The following NSUN6 variants were observed in gnomAD, a reference collection of about 807,000 sequenced individuals.
NSUN6 encodes the protein tRNA (cytosine(72)-C(5))-methyltransferase NSUN6.
Under a neutral mutation model 58.0 loss-of-function variants are expected in NSUN6, and 64 were observed. The ratio of observed to expected loss-of-function variants is 1.10; its 90% CI spans 0.90 to 1.36. NSUN6 has a LOEUF of 1.36. Ranked by LOEUF, NSUN6 falls within the 40% of genes most tolerant of loss-of-function variation. NSUN6 has a pLI of 0.00. For missense variants in NSUN6, 701 were observed against 550.1 expected (o/e 1.27, Z -2.74); for synonymous variants, 231 against 193.9 (o/e 1.19, Z -1.59).
chr10:18,626,721 C>G (rs1452256020), intron 3 of NSUN6, among the ~76,000 whole-genome samples: 3 of 152,102 alleles, frequency 2.0e-5, no homozygotes, highest in Non-Finnish European at 4.4e-5. Flanking sequence ...GAGCCGAGAT[C>G]GTGCCATTGC....
rs1386039602 is a variant in NSUN6, at chr10:18,601,906, G to C, written c.658-5579C>G. ...GGAGAACTGCTTCAACCCGGAGGCA[G>C]AGATTGCAGTAAACTGAGATTGCAC... is the stretch of plus-strand genomic sequence containing the variant. On this transcript the variant is annotated intron_variant, in intron 6 of 10. Transcript: ENST00000377304. Among the ~76,000 whole-genome samples the C allele has an allele frequency of 2.0e-5, 3 of 151,246 alleles. No individual in the cohort carries two copies. The East Asian group carries it at 6.1e-4, about 31-fold the overall frequency.
intron 3 of NSUN6, among the ~76,000 whole-genome samples, chr10:18,635,197 G>T (rs1017851497): frequency 5.3e-5 from 8 of 152,164 alleles, no homozygotes; most frequent in African/African-American, 1.9e-4. Flanking sequence ...AGGTGCTGGA[G>T]GAATTAAGCA....
chr10:18,576,512 C>T (rs2056655215), intron 8 of NSUN6, among the ~76,000 whole-genome samples: 1 of 152,134 alleles, frequency 6.6e-6, no homozygotes, highest in South Asian at 2.1e-4. Context: ...TTTCCTAAAA[C>T]TAAACTAAAA....
rs1431376953 is a variant in NSUN6 at position 18,648,585 on chromosome 10, G to A, written c.136C>T (p.Leu46=). The change falls in exon 2 of 11, where the codon CTG becomes TTG. Residue 46 remains leucine, a synonymous_variant. Transcript: ENST00000377304. Reference sequence around the variant, plus strand: ...GTTGTAAATGATGGAGGATGTGACAGGTGCTTTAACAAAGTTTCAAACTTC... The same window carrying A: ...GTTGTAAATGATGGAGGATGTGACAAGTGCTTTAACAAAGTTTCAAACTTC... ...ERKFETLLKH[L]SHPPSFTTVR... 1 of 1,605,250 alleles carries A rather than the reference G, an allele frequency of 6.2e-7. No homozygotes were observed.
intron 3 of NSUN6, among the ~76,000 whole-genome samples, chr10:18,620,110 C>T (rs747952796): frequency 1.5e-5 from 2 of 129,686 alleles, no homozygotes; most frequent in African/African-American, 2.8e-5. Flanking sequence ...TTTTTTGAGA[C>T]GGAGTCTAGC....
intron 8 of NSUN6, 93 bp from the exon 9 acceptor site, chr10:18,552,064 A>G (rs1589818547): frequency 2.6e-6 from 2 of 755,388 alleles, no homozygotes; most frequent in Non-Finnish European, 4.2e-6. Context: ...ATCATAATCT[A>G]GAATAAAAAA....
intron 7 of NSUN6, among the ~76,000 whole-genome samples, chr10:18,593,427 A>C (rs2057453997): frequency 6.6e-6 from 1 of 152,210 alleles, no homozygotes; most frequent in Admixed American, 6.5e-5. Flanking sequence ...CTGCAGCACT[A>C]TTTACAATAG....
intron 6 of NSUN6, among the ~76,000 whole-genome samples, chr10:18,597,075 A>G (rs760197852): frequency 5.3e-5 from 8 of 152,172 alleles, no homozygotes; most frequent in Non-Finnish European, 8.8e-5. Flanking sequence ...AACGACAACA[A>G]CAAAAAACCT....
intron 3 of NSUN6, among the ~76,000 whole-genome samples, chr10:18,633,187 A>G (rs2059097712): frequency 6.7e-6 from 1 of 150,370 alleles, no homozygotes; most frequent in African/African-American, 2.4e-5. Context: ...ATTCTCACTC[A>G]TAGGTGGGAA....
rs1191394934 is a variant in NSUN6, at chr10:18,608,224, C to A, written c.657+1621G>T. 2.0e-5 allele frequency among the ~76,000 whole-genome samples: 3 copies of A among 152,198 alleles called. No homozygotes were observed. In the South Asian group the frequency reaches 6.2e-4, roughly 32 times the overall value. ...ACAGTATGAATCACAAAATGACTCACAATATTTCATAAAGTCATCATTAAA... is the reference window on the plus strand; with the variant it reads ...ACAGTATGAATCACAAAATGACTCAAAATATTTCATAAAGTCATCATTAAA... On this transcript the variant is annotated intron_variant, in intron 6 of 10. Transcript: ENST00000377304.
chr10:18,563,165 A>AATGGAATGGAATGGAGAATGGT (rs1222525756), intron 8 of NSUN6, among the ~76,000 whole-genome samples: 1 of 142,296 alleles, frequency 7.0e-6, no homozygotes, highest in Non-Finnish European at 1.5e-5. Context: ...CAAAATGGAG[A>AATGGAATGGAATGGAGAATGGT]ATGGAATGGA....
intron 6 of NSUN6, 119 bp downstream of exon 6, chr10:18,609,726 A>T: frequency 1.8e-6 from 1 of 555,796 alleles, no homozygotes; most frequent in Non-Finnish European, 3.2e-6. Context: ...CCAAAGGTAG[A>T]TCAGTGTATG....
At chr10:18,623,796 C>T (rs1430485433) in intron 3 of NSUN6, among the ~76,000 whole-genome samples, 2 of 152,190 alleles carry the variant, frequency 1.3e-5, no homozygotes, top group African/African-American at 4.8e-5. Flanking sequence ...TCCCCACCCT[C>T]TGGAAAAAAG....
chr10:18,642,725 T>C (rs1167732627), intron 2 of NSUN6, among the ~76,000 whole-genome samples, 170 bp from the exon 3 acceptor site: 1 of 152,138 alleles, frequency 6.6e-6, no homozygotes, highest in Non-Finnish European at 1.5e-5. Context: ...AAAACAACAA[T>C]GTTTTCTCTA....
intron 7 of NSUN6, among the ~76,000 whole-genome samples, chr10:18,590,209 C>T (rs1324689005): frequency 6.6e-6 from 1 of 152,196 alleles, no homozygotes; most frequent in East Asian, 1.9e-4. Context: ...GAAGAGCTAA[C>T]TATCCTAAAT....
chr10:18,630,787 G>C (rs1161373742), intron 3 of NSUN6, among the ~76,000 whole-genome samples: 1 of 152,158 alleles, frequency 6.6e-6, no homozygotes, highest in African/African-American at 2.4e-5. Context: ...AAAGAGTCCA[G>C]TACCAGATGG....
At chr10:18,579,047 G>C (rs1391938156) in intron 8 of NSUN6, among the ~76,000 whole-genome samples, 2 of 152,158 alleles carry the variant, frequency 1.3e-5, no homozygotes, top group Non-Finnish European at 2.9e-5. Flanking sequence ...GAACAGGCTA[G>C]GATCACCAGA....
At chr10:18,594,249 A>G (rs1266174017) in intron 7 of NSUN6, among the ~76,000 whole-genome samples, 1 of 152,076 alleles carries the variant, frequency 6.6e-6, no homozygotes, top group Non-Finnish European at 1.5e-5. Context: ...ATATTTTAAA[A>G]CATACTATGA....
At chr10:18,565,371 T>C (rs2055849059) in intron 8 of NSUN6, among the ~76,000 whole-genome samples, 1 of 150,296 alleles carries the variant, frequency 6.7e-6, no homozygotes, top group Admixed American at 6.7e-5. Flanking sequence ...CCACTCTCCA[T>C]TTCATTCCCT....
Sources: allele counts gnomAD v4.1 joint callset (sites outside exome capture counted in the v4.1 genomes callset), GRCh38; gene constraint gnomAD v4.1.1; transcripts MANE v1.5; gene names NCBI Gene and HGNC (gene_info 2026-07-23, HGNC 2026-07-21).